LDHC: variants seen among roughly 807,000 people sequenced by gnomAD.
LDHC encodes the protein lactate dehydrogenase C.
In LDHC, 20 loss-of-function variants were observed where a neutral mutation model predicts 30.2. The observed-to-expected ratio is 0.66, with a 90% CI of 0.47 to 0.96. The LOEUF is 0.96. Among genes scored for constraint, LDHC ranks in the 40% least tolerant of loss-of-function variants. The pLI, the probability that LDHC is intolerant of heterozygous loss-of-function variation, is 0.00. For missense variants in LDHC, 362 were observed against 394.9 expected, an observed-to-expected ratio of 0.92 and a Z score of 0.71; for synonymous variants, 139 against 132.7, an observed-to-expected ratio of 1.05 and a Z score of -0.32.
intron 3 of LDHC, among the ~76,000 whole-genome samples, chr11:18,421,893 G>A (rs1317558412): frequency 6.6e-6 from 1 of 151,990 alleles, no homozygotes; most frequent in African/African-American, 2.4e-5. Context: ...GGAGGCCAAC[G>A]CGGGCGAATC....
chr11:18,418,592 G>A (rs1275192091), intron 3 of LDHC, among the ~76,000 whole-genome samples: 1 of 151,752 alleles, frequency 6.6e-6, no homozygotes, highest in Non-Finnish European at 1.5e-5. Context: ...ACCATGCCCA[G>A]CTAATTGTAT....
intron 2 of LDHC, among the ~76,000 whole-genome samples, chr11:18,413,298 G>C (rs1866935292): frequency 6.6e-6 from 1 of 151,740 alleles, no homozygotes; most frequent in Non-Finnish European, 1.5e-5. Flanking sequence ...GGCCAGGCTG[G>C]TTTCGAACTC....
At chr11:18,447,500 G>T (rs997964663) in intron 7 of LDHC, among the ~76,000 whole-genome samples, 3 of 152,100 alleles carry the variant, frequency 2.0e-5, no homozygotes, top group Non-Finnish European at 2.9e-5. Context: ...GGAGCAGAAG[G>T]TTTCATAAGT....
Position 18,432,780 on chromosome 11 carries a change from A to T in LDHC, c.419-1960A>T, listed in dbSNP as rs147609089. 3.4e-4 allele frequency among the ~76,000 whole-genome samples: 51 copies of T among 152,146 alleles called. 1 individual carries two copies. The highest frequency in any genetic ancestry group is 1.2e-3 in the African/African-American group (49 of 41,486). ...TGTTTCGTCTGATATGAGAGTATCT[A>T]CCCCAGCTCGCTTTTGGTGTCCATT... On this transcript the variant is annotated intron_variant, in intron 4 of 7. Coordinates refer to ENST00000541669, the MANE Select transcript of LDHC (RefSeq NM_017448.5).
At position 18,428,967 on chromosome 11, in the gene LDHC, G is replaced by C. The variant is rs1444959323; in HGVS notation, c.245-770G>C. ...AACAGGTGAAACAACTGGTCATTTA[G>C]TACGTAGTTTATTTTCTTGGGTGGG... On this transcript the variant is annotated intron_variant, in intron 3 of 7. Coordinates refer to ENST00000541669, the MANE Select transcript of LDHC (RefSeq NM_017448.5). Among the ~76,000 whole-genome samples the C allele has an allele frequency of 2.6e-5, 4 of 151,898 alleles. No homozygotes were observed. In the East Asian group the frequency reaches 7.7e-4, roughly 29 times the overall value.
At chr11:18,446,370 C>A in intron 7 of LDHC, 37 bp downstream of exon 7, 3 of 1,473,930 alleles carry the variant, frequency 2.0e-6, no homozygotes, top group Admixed American at 1.7e-5. Flanking sequence ...TCATTCTTTC[C>A]TTTAATATTT....
chr11:18,451,009 T>C lies in LDHC; in HGVS notation c.881T>C (p.Val294Ala). 1 of 1,597,398 alleles carries C rather than the reference T, an allele frequency of 6.3e-7. No individual in the cohort carries two copies. Among genetic ancestry groups the C allele is most frequent in the Non-Finnish European group, 8.5e-7 (1 of 1,174,750 alleles). The change falls in exon 8 of 8, where the codon GTC becomes GCC. Residue 294 changes from valine to alanine, a missense_variant. Coordinates refer to ENST00000541669, the MANE Select transcript of LDHC (RefSeq NM_017448.5). ...GAACTCTTTCTCAGTATCCCTTGTG[T>C]CTTGGGGCGGAATGGTGTCTCAGAT... ...KEELFLSIPCVLGRNGVSDVV... is the reference protein window; with the variant it reads ...KEELFLSIPCALGRNGVSDVV...
intron 3 of LDHC, among the ~76,000 whole-genome samples, chr11:18,418,512 C>T (rs1290158123): frequency 6.6e-6 from 1 of 151,790 alleles, no homozygotes; most frequent in African/African-American, 2.4e-5. Context: ...TCACTGCAAC[C>T]TCCACCTCCC....
intron 2 of LDHC, among the ~76,000 whole-genome samples, chr11:18,413,704 G>T (rs895053003): frequency 6.6e-6 from 1 of 151,498 alleles, no homozygotes; most frequent in African/African-American, 2.4e-5. Flanking sequence ...CTCGTGATCC[G>T]CCTGCCTCAG....
chr11:18,443,425 C>T (rs959154248), intron 6 of LDHC, among the ~76,000 whole-genome samples: 1 of 151,896 alleles, frequency 6.6e-6, no homozygotes, highest in Admixed American at 6.6e-5. Flanking sequence ...AATAATTGTA[C>T]CACAGAGAAT....
At chr11:18,426,100 C>T (rs1299822431) in intron 3 of LDHC, among the ~76,000 whole-genome samples, 2 of 151,404 alleles carry the variant, frequency 1.3e-5, no homozygotes, top group Non-Finnish European at 1.5e-5. Context: ...ACTGCAGCCT[C>T]TAACTCCTGG....
intron 3 of LDHC, among the ~76,000 whole-genome samples, chr11:18,416,307 C>G (rs1867022258): frequency 6.6e-6 from 1 of 152,076 alleles, no homozygotes; most frequent in African/African-American, 2.4e-5. Flanking sequence ...TAGCATGAGG[C>G]CATAGAACAT....
chr11:18,435,840 T>A (rs1248858906), intron 5 of LDHC, among the ~76,000 whole-genome samples: 1 of 152,204 alleles, frequency 6.6e-6, no homozygotes, highest in Admixed American at 6.5e-5. Flanking sequence ...ATTTTTCATA[T>A]AAATGAAATA....
At chr11:18,434,688 A>AT (rs1848325208) in intron 4 of LDHC, 52 bp from the exon 5 acceptor site, 228 of 994,218 alleles carry the variant, frequency 2.3e-4, no homozygotes, top group South Asian at 3.0e-4. Flanking sequence ...GAAAAAAAAA[A>AT]TTTTTTTAAG....
chr11:18,430,637 C>T (rs1848249174), intron 4 of LDHC, among the ~76,000 whole-genome samples: 1 of 152,168 alleles, frequency 6.6e-6, no homozygotes, highest in Non-Finnish European at 1.5e-5. Flanking sequence ...GCTGGGATTA[C>T]AGATGTGAGC....
chr11:18,430,826 A>T (rs1322680306), intron 4 of LDHC, among the ~76,000 whole-genome samples: 2 of 152,138 alleles, frequency 1.3e-5, no homozygotes, highest in African/African-American at 4.8e-5. Context: ...CCTGGGAGTA[A>T]CATACGTGGG....
intron 4 of LDHC, among the ~76,000 whole-genome samples, chr11:18,432,379 A>T (rs1383332067): frequency 6.6e-6 from 1 of 152,316 alleles, no homozygotes; most frequent in Middle Eastern, 3.4e-3. Flanking sequence ...TTTATGGCCT[A>T]TCATATGGTC....
intron 6 of LDHC, among the ~76,000 whole-genome samples, chr11:18,441,137 C>A (rs73438699): frequency 2.7e-5 from 4 of 150,156 alleles, no homozygotes; most frequent in African/African-American, 9.8e-5. Flanking sequence ...AAAAAAAAAA[C>A]AAAAAACAAC....
chr11:18,414,756 A>G (rs1187962872), intron 2 of LDHC, among the ~76,000 whole-genome samples: 1 of 152,184 alleles, frequency 6.6e-6, no homozygotes, highest in Non-Finnish European at 1.5e-5. Flanking sequence ...TGAACCTGGG[A>G]GACGGAGGTT....
Sources: gnomAD v4.1 joint callset for allele counts (sites outside exome capture counted in the v4.1 genomes callset) on GRCh38, gnomAD v4.1.1 for gene constraint, MANE v1.5 for transcripts, NCBI Gene and HGNC (gene_info 2026-07-23, HGNC 2026-07-21) for gene names.